Variants in DNAH11 observed in about 807,000 individuals in gnomAD.
The protein encoded by DNAH11 is dynein axonemal heavy chain 11.
A neutral mutation model predicts 526.0 loss-of-function variants in DNAH11; 442 were observed. That is an observed-to-expected ratio of 0.84 (90% CI 0.78 to 0.91). The LOEUF (loss-of-function observed/expected upper bound fraction) is 0.91. DNAH11 is among the 40% of genes least tolerant of loss of function. DNAH11 has a pLI of 0.00. For missense variants in DNAH11, 6,989 were observed against 5,448.7 expected (o/e 1.28, Z -8.90); for synonymous variants, 2,461 against 1,935.9 (o/e 1.27, Z -7.12).
In DNAH11 at chr7:21,543,797, T is replaced by G. The variant is rs529413071; in HGVS notation, c.351+201T>G. 1.5e-4 allele frequency: 91 copies of G among 602,784 alleles called. No individual in the cohort carries two copies. The African/African-American group carries it at 1.5e-3, about 10-fold the overall frequency. 37.3% of individuals were successfully genotyped at this position (602,784 alleles called of 1,614,324 possible). On this transcript the variant is annotated intron_variant, in intron 1 of 81. Transcript: ENST00000409508. ...GTTCAGCAGCTGCAGGTTAGTTTCC[T>G]AAGTCAGCAGTTTGTATCTGACCGA...
intron 57 of DNAH11, among the ~76,000 whole-genome samples, chr7:21,780,392 GC>G (rs1787888933): frequency 6.6e-6 from 1 of 151,928 alleles, no homozygotes; most frequent in Non-Finnish European, 1.5e-5. Context: ...TAAAAGAGGG[GC>G]AAAAAAGACA....
intron 30 of DNAH11, among the ~76,000 whole-genome samples, chr7:21,677,178 C>G (rs4722046): frequency 0.54 from 80,733 of 149,808 alleles, 21,865 homozygotes; most frequent in African/African-American, 0.59. Flanking sequence ...CTGTGATTCA[C>G]TTTACTGTGC....
At chr7:21,745,449 G>A (rs1485476672) in intron 51 of DNAH11, among the ~76,000 whole-genome samples, 1 of 152,172 alleles carries the variant, frequency 6.6e-6, no homozygotes, top group Non-Finnish European at 1.5e-5. Context: ...TTAAAATGGG[G>A]GAGGGCTCAT....
chr7:21,637,294 C>T (rs954409270), intron 26 of DNAH11, among the ~76,000 whole-genome samples: 5 of 151,884 alleles, frequency 3.3e-5, no homozygotes, highest in Non-Finnish European at 7.4e-5. Context: ...TTCCTCTTCC[C>T]ATTCTCCCTT....
Position 21,789,808 on chromosome 7 carries a change from T to TCTTCTTTCTTTCTTTC in DNAH11, c.10026+466_10026+467insCTTCTTTCTTTCTTTC. 3.8e-3 allele frequency among the ~76,000 whole-genome samples: 129 copies of TCTTCTTTCTTTCTTTC among 34,128 alleles called. 2 individuals carry two copies. Among genetic ancestry groups the TCTTCTTTCTTTCTTTC allele is most frequent in the African/African-American group, 0.01 (127 of 12,668 alleles). 22.4% of individuals were successfully genotyped at this position (34,128 alleles called of 152,430 possible). On this transcript the variant is annotated intron_variant, in intron 61 of 81. Transcript: ENST00000409508. Reference sequence around the variant, plus strand: ...TTCTTTCTTTCTTTCTTTCTTTCTTTTTTCTTTCTTTCTTTCTTTCTTTCT... The same window carrying TCTTCTTTCTTTCTTTC: ...TTCTTTCTTTCTTTCTTTCTTTCTTTCTTCTTTCTTTCTTTCTTTCTTTCTTTCTTTCTTTCTTTCT...
Position 21,641,832 on chromosome 7 carries a change from C to T in DNAH11, c.4944+2767C>T, listed in dbSNP as rs146078718. Among the ~76,000 whole-genome samples, 478 of 152,256 alleles carry T rather than the reference C, an allele frequency of 3.1e-3. 1 individual carries two copies. Among genetic ancestry groups the T allele is most frequent in the African/African-American group, 0.01 (430 of 41,524 alleles). ...GCATTTTAACTACGCGTTCTAAATCCCTGAATTCCAGGTACATTGCTCAGT... is the reference window on the plus strand; with the variant it reads ...GCATTTTAACTACGCGTTCTAAATCTCTGAATTCCAGGTACATTGCTCAGT... On this transcript the variant is annotated intron_variant, in intron 28 of 81. Transcript: ENST00000409508.
intron 66 of DNAH11, 117 bp downstream of exon 66, chr7:21,842,865 T>A: frequency 1.1e-6 from 1 of 890,234 alleles, no homozygotes; most frequent in Non-Finnish European, 1.7e-6. Flanking sequence ...GCAACCTAAT[T>A]GGGAAAAATA....
Position 21,717,897 on chromosome 7 carries a change from C to G in DNAH11, c.7106C>G (p.Thr2369Ser). ...DKLRTSFKTITSIPESSLVQT... is the reference protein window; with the variant it reads ...DKLRTSFKTISSIPESSLVQT... ...CTGAGAACAAGCTTTAAAACCATCA[C>G]TTCAATTCCTGAGAGTAGCCTGGTG... The change falls in exon 43 of 82, where the codon ACT (threonine) becomes AGT (serine). Residue 2369 changes from threonine (T) to serine (S), a missense_variant. Physicochemically the swap from Thr to Ser is moderately conservative, Grantham distance 58. Coordinates refer to ENST00000409508, the MANE Select transcript of DNAH11 (RefSeq NM_001277115.2). 6.2e-7 allele frequency: 1 copy of G among 1,613,674 alleles called. No homozygotes were observed. Among genetic ancestry groups the G allele is most frequent in the African/African-American group, 1.3e-5 (1 of 75,046 alleles).
At chr7:21,580,174 G>C (rs1482024403) in intron 8 of DNAH11, among the ~76,000 whole-genome samples, 1 of 152,102 alleles carries the variant, frequency 6.6e-6, no homozygotes, top group Non-Finnish European at 1.5e-5. Context: ...ATATCAGGGA[G>C]GGAGACTAGC....
intron 30 of DNAH11, among the ~76,000 whole-genome samples, chr7:21,667,144 A>C (rs1234349661): frequency 1.3e-5 from 2 of 152,146 alleles, no homozygotes. Flanking sequence ...GATTAAATCT[A>C]GAAGAAATGG....
intron 65 of DNAH11, among the ~76,000 whole-genome samples, chr7:21,820,285 A>G (rs1478289358): frequency 3.9e-5 from 6 of 152,228 alleles, no homozygotes; most frequent in Non-Finnish European, 8.8e-5. Context: ...ACACTTCCAT[A>G]AGTAAAGATA....
At chr7:21,889,971 T>G (rs925940290) in intron 76 of DNAH11, among the ~76,000 whole-genome samples, 2 of 152,222 alleles carry the variant, frequency 1.3e-5, no homozygotes, top group Admixed American at 1.3e-4. Context: ...ATGGAGGACA[T>G]TTCTCAGGTT....
Position 21,717,887 on chromosome 7 carries a change from A to G in DNAH11, c.7096A>G (p.Lys2366Glu), listed in dbSNP as rs754170634. 1.2e-6 allele frequency: 2 copies of G among 1,613,854 alleles called. No individual in the cohort carries two copies. Among genetic ancestry groups the G allele is most frequent in the East Asian group, 4.5e-5 (2 of 44,880 alleles). ...CTTGGATAAACTGAGAACAAGCTTT[A>G]AAACCATCACTTCAATTCCTGAGAG... ...ACLDKLRTSFKTITSIPESSL... is the reference protein window; with the variant it reads ...ACLDKLRTSFETITSIPESSL... The change falls in exon 43 of 82, where the codon AAA (lysine) becomes GAA (glutamate). Residue 2366 changes from lysine to glutamate, a missense_variant. Coordinates refer to ENST00000409508, the MANE Select transcript of DNAH11 (RefSeq NM_001277115.2).
intron 73 of DNAH11, among the ~76,000 whole-genome samples, chr7:21,872,131 A>AC (rs1783521092): frequency 7.1e-6 from 1 of 140,142 alleles, no homozygotes; most frequent in African/African-American, 2.7e-5. Context: ...CTCAAAAAAA[A>AC]AAAAAAAAAA....
At chr7:21,717,745 C>A (rs992805637) in intron 42 of DNAH11, 30 bp from the exon 43 acceptor site, 1 of 1,612,120 alleles carries the variant, frequency 6.2e-7, no homozygotes, top group African/African-American at 1.3e-5. Context: ...GCCTAGTGTT[C>A]AATAAAAGCT....
At chr7:21,852,423 A>AAT in intron 66 of DNAH11, 44 bp from the exon 67 acceptor site, 3 of 1,541,720 alleles carry the variant, frequency 1.9e-6, no homozygotes, top group East Asian at 2.3e-5. Context: ...AAAAAAAAAA[A>AAT]GTACTTAACC....
intron 61 of DNAH11, among the ~76,000 whole-genome samples, chr7:21,798,996 G>A (rs2127992361): frequency 6.6e-6 from 1 of 152,056 alleles, no homozygotes; most frequent in South Asian, 2.1e-4. Context: ...ATGAACCAGT[G>A]CCCTTTAGGG....
rs145884368 is a variant in DNAH11 at position 21,727,143 on chromosome 7, C to A, written c.7440+1159C>A. On this transcript the variant is annotated intron_variant, in intron 45 of 81. Coordinates refer to ENST00000409508, the MANE Select transcript of DNAH11 (RefSeq NM_001277115.2). Reference sequence around the variant, plus strand: ...AGAGACGGGGTTTCACCGTGTTAGCCAGGATGATCTCGATCTCCTGACCTC... The same window carrying A: ...AGAGACGGGGTTTCACCGTGTTAGCAAGGATGATCTCGATCTCCTGACCTC... Among the ~76,000 whole-genome samples, 15 of 151,320 alleles carry A rather than the reference C, an allele frequency of 9.9e-5. No homozygotes were observed. In the South Asian group the frequency reaches 3.1e-3, roughly 32 times the overall value.
At chr7:21,724,469 A>G (rs1784997290) in intron 44 of DNAH11, among the ~76,000 whole-genome samples, 1 of 152,234 alleles carries the variant, frequency 6.6e-6, no homozygotes, top group Admixed American at 6.5e-5. Flanking sequence ...ATGGGGAAAA[A>G]TCACGGTTGA....
Sources: allele counts gnomAD v4.1 joint callset (sites outside exome capture counted in the v4.1 genomes callset), GRCh38; gene constraint gnomAD v4.1.1; transcripts MANE v1.5; gene names NCBI Gene and HGNC (gene_info 2026-07-23, HGNC 2026-07-21).